The following THSD7A variants were observed in gnomAD, a reference collection of about 807,000 sequenced individuals.
The protein encoded by THSD7A is thrombospondin type-1 domain-containing protein 7A.
Under a neutral mutation model 231.3 loss-of-function variants are expected in THSD7A, and 96 were observed. The ratio of observed to expected loss-of-function variants is 0.41; its 90% CI spans 0.35 to 0.49. The LOEUF (loss-of-function observed/expected upper bound fraction) is 0.49. Among genes scored for constraint, THSD7A ranks in the 20% least tolerant of loss-of-function variants. The probability of loss-of-function intolerance (pLI) is 0.05; values close to 1 mark genes in which losing one functional copy is unlikely to be tolerated. For missense variants in THSD7A, 2,290 were observed against 2,070.2 expected, an observed-to-expected ratio of 1.11 and a Z score of -2.06; for synonymous variants, 940 against 743.3, an observed-to-expected ratio of 1.26 and a Z score of -4.30.
chr7:11,553,907 G>T (rs1362562991), intron 4 of THSD7A, among the ~76,000 whole-genome samples: 1 of 151,754 alleles, frequency 6.6e-6, no homozygotes, highest in Non-Finnish European at 1.5e-5. Flanking sequence ...GAAGTATTCT[G>T]AAGATACACA....
In THSD7A at chr7:11,446,355, G is replaced by C. The variant is rs1007627753; in HGVS notation, c.2801-31C>G. 6.3e-7 allele frequency: 1 copy of C among 1,591,382 alleles called. No individual in the cohort carries two copies. Among genetic ancestry groups the C allele is most frequent in the Non-Finnish European group, 8.6e-7 (1 of 1,168,790 alleles). ...GAAGAGAAACAATCAGGCAATTTAA[G>C]TTGGAAAATACCATCATTAATTTCA... On this transcript the variant is annotated intron_variant, in intron 12 of 27. Coordinates refer to ENST00000423059, the MANE Select transcript of THSD7A (RefSeq NM_015204.3). The surrounding 1 kb of genome is among the most constrained non-coding windows in gnomAD (Gnocchi z 4.0).
At chr7:11,419,776 T>G (rs759755767) in intron 16 of THSD7A, among the ~76,000 whole-genome samples, 1 of 152,214 alleles carries the variant, frequency 6.6e-6, no homozygotes, top group East Asian at 1.9e-4. Flanking sequence ...GATAGAAATA[T>G]GGATGGTGAA....
At chr7:11,763,885 C>A (rs187224420) in intron 1 of THSD7A, among the ~76,000 whole-genome samples, 7 of 152,092 alleles carry the variant, frequency 4.6e-5, no homozygotes, top group Admixed American at 2.6e-4. Context: ...ATCTAAAATT[C>A]CTCTGTGGAG....
At chr7:11,467,125 T>A (rs917810765) in intron 9 of THSD7A, among the ~76,000 whole-genome samples, 1 of 152,100 alleles carries the variant, frequency 6.6e-6, no homozygotes, top group East Asian at 1.9e-4. Context: ...TGGGCTCCAG[T>A]GGGCTGGTCG....
intron 2 of THSD7A, among the ~76,000 whole-genome samples, chr7:11,603,510 C>G (rs1410060389): frequency 1.3e-5 from 2 of 151,696 alleles, no homozygotes; most frequent in African/African-American, 4.8e-5. Flanking sequence ...CCATTTGACC[C>G]AGCCATCCCA....
At chr7:11,535,184 T>A (rs904302620) in intron 6 of THSD7A, among the ~76,000 whole-genome samples, 12 of 152,140 alleles carry the variant, frequency 7.9e-5, no homozygotes, top group Non-Finnish European at 1.3e-4. Context: ...AAAAATAAAA[T>A]ACATAAAATT....
intron 1 of THSD7A, among the ~76,000 whole-genome samples, chr7:11,720,106 G>A (rs1583222204): frequency 6.6e-6 from 1 of 151,740 alleles, no homozygotes; most frequent in East Asian, 2.0e-4. Context: ...ATTGACAGGG[G>A]TACGATATAA....
intron 6 of THSD7A, among the ~76,000 whole-genome samples, chr7:11,518,553 T>C (rs531569897): frequency 9.9e-5 from 15 of 151,804 alleles, no homozygotes; most frequent in Non-Finnish European, 1.8e-4. Context: ...ATTCTTTTCC[T>C]GAAAAAGTAC....
At chr7:11,641,042 A>C (rs986953899) in intron 1 of THSD7A, among the ~76,000 whole-genome samples, 1 of 152,106 alleles carries the variant, frequency 6.6e-6, no homozygotes, top group Admixed American at 6.5e-5. Flanking sequence ...TTTTTTGATC[A>C]CTTAATTTAA....
chr7:11,788,028 C>T (rs1018687188), intron 1 of THSD7A, among the ~76,000 whole-genome samples: 10 of 152,048 alleles, frequency 6.6e-5, no homozygotes, highest in African/African-American at 2.4e-4. Context: ...CAAAACCCAA[C>T]TCACCATCTT....
chr7:11,562,483 T>A, intron 4 of THSD7A, among the ~76,000 whole-genome samples: 1 of 149,064 alleles, frequency 6.7e-6, no homozygotes, highest in East Asian at 1.9e-4. Flanking sequence ...CTGATACGTA[T>A]TTTTTTTTCC....
In THSD7A at chr7:11,738,847, A is replaced by G. The variant is rs570443750; in HGVS notation, c.190+92910T>C. Among the ~76,000 whole-genome samples the G allele has an allele frequency of 4.6e-5, 7 of 152,124 alleles. 1 individual carries two copies. The South Asian group carries it at 1.0e-3, about 23-fold the overall frequency. On this transcript the variant is annotated intron_variant, in intron 1 of 27. Coordinates refer to ENST00000423059, the MANE Select transcript of THSD7A (RefSeq NM_015204.3). ...CTTTAAGAGTAACCAAAGTCCTGCC[A>G]TTACCTTGATTGTTACACAGTGAGA... is the stretch of plus-strand genomic sequence containing the variant.
intron 1 of THSD7A, among the ~76,000 whole-genome samples, chr7:11,747,303 A>G (rs1027077257): frequency 6.6e-6 from 1 of 151,962 alleles, no homozygotes; most frequent in Admixed American, 6.6e-5. Flanking sequence ...CCTATGGATG[A>G]GAACAAAGAG....
chr7:11,433,911 T>C (rs915809921), intron 13 of THSD7A, among the ~76,000 whole-genome samples: 3 of 152,066 alleles, frequency 2.0e-5, no homozygotes, highest in African/African-American at 7.2e-5. Context: ...AAATGCAGCC[T>C]ATTAAACTGT....
intron 6 of THSD7A, among the ~76,000 whole-genome samples, chr7:11,510,896 C>T (rs1430602085): frequency 6.6e-6 from 1 of 152,128 alleles, no homozygotes; most frequent in Non-Finnish European, 1.5e-5. Flanking sequence ...CCCTCTCTCA[C>T]CTCTCCTGTT....
At chr7:11,729,564 A>T (rs1781657978) in intron 1 of THSD7A, among the ~76,000 whole-genome samples, 1 of 151,848 alleles carries the variant, frequency 6.6e-6, no homozygotes, top group African/African-American at 2.4e-5. Context: ...ACTCTGTAAT[A>T]ATAGTGGCAG....
chr7:11,677,786 C>A (rs143815644), intron 1 of THSD7A, among the ~76,000 whole-genome samples: 1 of 151,932 alleles, frequency 6.6e-6, no homozygotes, highest in East Asian at 1.9e-4. Context: ...GACAGATCAA[C>A]GGGACAGAAA....
chr7:11,407,402 G>T lies in THSD7A; in HGVS notation c.3820C>A (p.Gln1274Lys), dbSNP rs1186627228. Residue 1274 changes from glutamine to lysine, a missense_variant, in exon 20 of 28, where the codon CAG becomes AAG. Coordinates refer to ENST00000423059, the MANE Select transcript of THSD7A (RefSeq NM_015204.3). ...CEALGLEKNW[Q>K]MNTSCMVECP... ...TCCACCATGCAGGACGTGTTCATCT[G>T]CCAGTTCTTCTCCAAGCCAAGCTGG... The T allele has an allele frequency of 6.2e-7, 1 of 1,613,102 alleles. No individual in the cohort carries two copies. Among genetic ancestry groups the T allele is most frequent in the Non-Finnish European group, 8.5e-7 (1 of 1,179,584 alleles).
chr7:11,464,240 T>G (rs1785613866), intron 9 of THSD7A, among the ~76,000 whole-genome samples: 1 of 152,228 alleles, frequency 6.6e-6, no homozygotes, highest in Non-Finnish European at 1.5e-5. Flanking sequence ...TTCTGTTTTG[T>G]TTTTTAATGG....
Sources: gnomAD v4.1 joint callset for allele counts (sites outside exome capture counted in the v4.1 genomes callset) on GRCh38, gnomAD v4.1.1 for gene constraint, Gnocchi (gnomAD v3.1) non-coding constraint, MANE v1.5 for transcripts, NCBI Gene and HGNC (gene_info 2026-07-23, HGNC 2026-07-21) for gene names.